Variants in MAP3K20 observed in about 807,000 individuals in gnomAD.
The protein encoded by MAP3K20 is HCCS-4.
In MAP3K20, 40 loss-of-function variants were observed where a neutral mutation model predicts 85.7. The observed-to-expected ratio is 0.47, with a 90% confidence interval of 0.36 to 0.61. The LOEUF (loss-of-function observed/expected upper bound fraction) is 0.61, where lower values mean the gene tolerates loss of function less well. MAP3K20 is among the 20% of genes least tolerant of loss of function. The pLI, the probability that MAP3K20 is intolerant of heterozygous loss-of-function variation, is 0.00. For missense variants in MAP3K20, 817 were observed against 961.7 expected (o/e 0.85, Z 1.99); for synonymous variants, 325 against 327.7 (o/e 0.99, Z 0.09).
intron 2 of MAP3K20, among the ~76,000 whole-genome samples, chr2:173,138,827 A>T (rs1445755635): frequency 1.3e-5 from 2 of 152,206 alleles, no homozygotes; most frequent in Non-Finnish European, 2.9e-5. Context: ...CCAAAAGGTC[A>T]TTTTGTTTTC....
At chr2:173,135,510 A>G (rs1355106688) in intron 2 of MAP3K20, among the ~76,000 whole-genome samples, 1 of 152,222 alleles carries the variant, frequency 6.6e-6, no homozygotes, top group Non-Finnish European at 1.5e-5. Flanking sequence ...GGGGCTTATT[A>G]TGAGTTAAAA....
chr2:173,124,188 T>C (rs1688376912), intron 2 of MAP3K20, among the ~76,000 whole-genome samples: 1 of 152,236 alleles, frequency 6.6e-6, no homozygotes, highest in Non-Finnish European at 1.5e-5. Flanking sequence ...ATTAATATTT[T>C]TGAGGGTCTG....
In MAP3K20 at chr2:173,183,939, T is replaced by G. The variant is rs115499276; in HGVS notation, c.349+984T>G. Among the ~76,000 whole-genome samples, 642 of 152,296 alleles carry G rather than the reference T, an allele frequency of 4.2e-3. 9 individuals carry two copies. The highest frequency in any genetic ancestry group is 0.014 in the African/African-American group (596 of 41,560). ...GTTTCATCAACACCTACCAAATTCT[T>G]CAAATAGGGAAAGTGAAAAAAAATT... On this transcript the variant is annotated intron_variant, in intron 4 of 19. Coordinates refer to ENST00000375213, the MANE Select transcript of MAP3K20 (RefSeq NM_016653.3).
At chr2:173,170,350 T>C (rs972175944) in intron 3 of MAP3K20, among the ~76,000 whole-genome samples, 1 of 152,224 alleles carries the variant, frequency 6.6e-6, no homozygotes, top group Non-Finnish European at 1.5e-5. Context: ...TTTGGTCAAC[T>C]AAGTTGGTAA....
chr2:173,258,804 A>G lies in MAP3K20; in HGVS notation c.1465A>G (p.Lys489Glu). The G allele has an allele frequency of 6.3e-7, 1 of 1,598,370 alleles. No homozygotes were observed. The highest frequency in any genetic ancestry group is 8.6e-7 in the Non-Finnish European group (1 of 1,166,482). ...NTNLPDAEIL[K>E]MTKPPFVMEK... is the part of the protein sequence containing the mutation. ...TAACCTACCTGATGCGGAGATTTTAAAGATGACAAAGGTAGGGTTCTATTT... is the reference window on the plus strand; with the variant it reads ...TAACCTACCTGATGCGGAGATTTTAGAGATGACAAAGGTAGGGTTCTATTT... Residue 489 changes from lysine to glutamate, a missense_variant, in exon 17 of 20, where the codon AAG becomes GAG. Around this residue, in one of 4 missense-constraint regions of MAP3K20, gnomAD observed 454 missense variants for 476.9 expected, o/e 0.95. Coordinates refer to ENST00000375213, the MANE Select transcript of MAP3K20 (RefSeq NM_016653.3).
chr2:173,227,228 C>CA, intron 11 of MAP3K20: 11 of 764,120 alleles, frequency 1.4e-5, no homozygotes, highest in Non-Finnish European at 1.8e-5. Context: ...CGTTGTCACA[C>CA]GCATGCAAAC....
At chr2:173,208,963 C>T (rs1040898878) in intron 9 of MAP3K20, among the ~76,000 whole-genome samples, 1 of 152,176 alleles carries the variant, frequency 6.6e-6, no homozygotes, top group Admixed American at 6.5e-5. Flanking sequence ...CACACTTAAC[C>T]ACTGCTCATT....
At chr2:173,191,976 G>A (rs1690665389) in intron 7 of MAP3K20, among the ~76,000 whole-genome samples, 1 of 152,154 alleles carries the variant, frequency 6.6e-6, no homozygotes, top group African/African-American at 2.4e-5. Context: ...TTCATTTGTT[G>A]CCTTTTGTTG....
chr2:173,221,177 T>C, intron 11 of MAP3K20: 1 of 1,552,806 alleles, frequency 6.4e-7, no homozygotes, highest in Non-Finnish European at 8.8e-7. Flanking sequence ...TGCAAGAATG[T>C]CTGAGGAGTC....
Position 173,096,496 on chromosome 2 carries a change from C to T in MAP3K20, c.159+5306C>T, listed in dbSNP as rs190670501. On this transcript the variant is annotated intron_variant, in intron 2 of 19. Coordinates refer to ENST00000375213, the MANE Select transcript of MAP3K20 (RefSeq NM_016653.3). ...CTGGGACTACAGGCATGTGCCACCACGCCTGGGTAATTTTTTGTAGTTTAG... is the reference window on the plus strand; with the variant it reads ...CTGGGACTACAGGCATGTGCCACCATGCCTGGGTAATTTTTTGTAGTTTAG... Among the ~76,000 whole-genome samples, 178 of 152,172 alleles carry T rather than the reference C, an allele frequency of 1.2e-3. 4 individuals carry two copies. The East Asian group carries it at 0.026, about 22-fold the overall frequency.
intron 6 of MAP3K20, 22 bp downstream of exon 6, chr2:173,190,945 A>C: frequency 6.2e-7 from 1 of 1,605,482 alleles, no homozygotes; most frequent in Non-Finnish European, 8.5e-7. Flanking sequence ...TCTTTTACTT[A>C]AAAAAATTGT....
chr2:173,174,432 G>A (rs977781408), intron 3 of MAP3K20, among the ~76,000 whole-genome samples: 2 of 152,000 alleles, frequency 1.3e-5, no homozygotes, highest in Non-Finnish European at 2.9e-5. Flanking sequence ...TGTTCAACTC[G>A]CACTTATGAG....
rs767889899 is a variant in MAP3K20, at chr2:173,198,032, T to C, written c.589T>C (p.Trp197Arg). 2 of 1,611,438 alleles carry C rather than the reference T, an allele frequency of 1.2e-6. No individual in the cohort carries two copies. The highest frequency in any genetic ancestry group is 1.7e-6 in the Non-Finnish European group (2 of 1,178,782). Reference sequence around the variant, plus strand: ...CATTTTCTTTTTGTTCCAGGTTCTCTGGGAGATGCTAACAAGGGAGGTCCC... The same window carrying C: ...CATTTTCTTTTTGTTCCAGGTTCTCCGGGAGATGCTAACAAGGGAGGTCCC... The part of the protein sequence containing the change: ...CDTYSYGVVL[W>R]EMLTREVPFK... Residue 197 changes from tryptophan (W) to arginine (R), a missense_variant, in exon 8 of 20, where the codon TGG (tryptophan) becomes CGG (arginine). Physicochemically the swap from Trp to Arg is moderately radical, Grantham distance 101. Transcript: ENST00000375213. This position sits in a 1 kb window ranked among gnomAD's most constrained non-coding sequence, Gnocchi z 5.8.
At chr2:173,103,288 T>C (rs751130031) in intron 2 of MAP3K20, among the ~76,000 whole-genome samples, 9 of 152,270 alleles carry the variant, frequency 5.9e-5, no homozygotes, top group Middle Eastern at 3.4e-3. Flanking sequence ...AAAAACCTTA[T>C]GTGCAAAGAA....
chr2:173,136,595 T>A (rs935109714), intron 2 of MAP3K20, among the ~76,000 whole-genome samples: 1 of 152,110 alleles, frequency 6.6e-6, no homozygotes. Context: ...AGCAAGATCT[T>A]TTTTCCCCTA....
chr2:173,250,051 G>A (rs951935264), intron 16 of MAP3K20, among the ~76,000 whole-genome samples: 3 of 152,052 alleles, frequency 2.0e-5, no homozygotes, highest in Non-Finnish European at 4.4e-5. Flanking sequence ...AGGGTATAAC[G>A]CATTTACATA....
chr2:173,253,302 C>G (rs569456363), intron 16 of MAP3K20, among the ~76,000 whole-genome samples: 4 of 152,306 alleles, frequency 2.6e-5, no homozygotes, highest in African/African-American at 7.2e-5. Context: ...GGTTCTGGCA[C>G]AATGCTGGGA....
Position 173,232,305 on chromosome 2 carries a change from A to T in MAP3K20, c.1064-15A>T, listed in dbSNP as rs766786384. On this transcript the variant is annotated splice_polypyrimidine_tract_variant and intron_variant, in intron 13 of 19. Coordinates refer to ENST00000375213, the MANE Select transcript of MAP3K20 (RefSeq NM_016653.3). ...TTCATCTAATTTTATTCTGCTTTCT[A>T]ATCACTTCCTTCAGGTGACTCTTCA... 1 of 1,614,136 alleles carries T rather than the reference A, an allele frequency of 6.2e-7. No homozygotes were observed. Among genetic ancestry groups the T allele is most frequent in the Admixed American group, 1.7e-5 (1 of 60,014 alleles).
chr2:173,197,959 G>T (rs1690904851), intron 7 of MAP3K20, 67 bp from the exon 8 acceptor site: 1 of 1,394,966 alleles, frequency 7.2e-7, no homozygotes, highest in African/African-American at 1.4e-5. Context: ...GTTAGATAAG[G>T]TCTCAGTAAT....
Sources: allele counts gnomAD v4.1 joint callset (sites outside exome capture counted in the v4.1 genomes callset), GRCh38; gene constraint gnomAD v4.1.1; regional missense constraint gnomAD v4.1.1; non-coding constraint Gnocchi (gnomAD v3.1); transcripts MANE v1.5; gene names NCBI Gene and HGNC (gene_info 2026-07-23, HGNC 2026-07-21).